Variants in ABCA1 observed in about 807,000 individuals in gnomAD.
The protein encoded by ABCA1 is phospholipid-transporting ATPase ABCA1.
Under a neutral mutation model 262.5 loss-of-function variants are expected in ABCA1, and 133 were observed. The observed-to-expected ratio is 0.51, with a 90% CI of 0.44 to 0.59. The LOEUF (loss-of-function observed/expected upper bound fraction) is 0.59, where lower values mean the gene tolerates loss of function less well. Ranked by LOEUF, ABCA1 falls within the 20% of genes least tolerant of loss-of-function variation. The probability of loss-of-function intolerance (pLI) is 0.00; values close to 1 mark genes in which losing one functional copy is unlikely to be tolerated. For missense variants in ABCA1, 2,452 were observed against 2,777.5 expected, an observed-to-expected ratio of 0.88 and a Z score of 2.63; for synonymous variants, 1,022 against 1,043.5, an observed-to-expected ratio of 0.98 and a Z score of 0.40.
intron 7 of ABCA1, among the ~76,000 whole-genome samples, chr9:104,849,953 T>C (rs1835228975): frequency 6.6e-6 from 1 of 152,228 alleles, no homozygotes; most frequent in African/African-American, 2.4e-5. Context: ...AATGTAAGTA[T>C]ACATGATATA....
intron 46 of ABCA1, among the ~76,000 whole-genome samples, chr9:104,787,456 G>C (rs1371527835): frequency 1.3e-5 from 2 of 151,924 alleles, no homozygotes; most frequent in East Asian, 1.9e-4. Context: ...AGCCTCAAAG[G>C]CTTCTTCCCG....
At chr9:104,893,090 A>C (rs1463594540) in intron 2 of ABCA1, among the ~76,000 whole-genome samples, 1 of 152,198 alleles carries the variant, frequency 6.6e-6, no homozygotes, top group East Asian at 1.9e-4. Context: ...CAGGAATACA[A>C]CTTTCCTTTT....
At position 104,832,648 on chromosome 9, in the gene ABCA1, C is replaced by T. The variant is rs1366818370; in HGVS notation, c.1435G>A (p.Gly479Ser). Reference sequence around the variant, plus strand: ...GCTTCTCTCCAGGTGTACACAGAACCATTACTGGACTGGACATCCTCTGGG... The same window carrying T: ...GCTTCTCTCCAGGTGTACACAGAACTATTACTGGACTGGACATCCTCTGGG... ...KHPEDVQSSN[G>S]SVYTWREAFN... The change falls in exon 12 of 50, where the codon GGT (glycine) becomes AGT (serine). Residue 479 changes from glycine to serine, a missense_variant. This residue lies in a region of ABCA1 where 1,032 missense variants were observed against 1,089.7 expected (regional missense o/e 0.95). Coordinates refer to ENST00000374736, the MANE Select transcript of ABCA1 (RefSeq NM_005502.4). The T allele has an allele frequency of 1.9e-6, 3 of 1,614,176 alleles. No individual in the cohort carries two copies. Among genetic ancestry groups the T allele is most frequent in the South Asian group, 1.1e-5 (1 of 91,082 alleles).
intron 40 of ABCA1, 51 bp downstream of exon 40, chr9:104,794,336 A>T (rs202051679): frequency 6.2e-7 from 1 of 1,613,418 alleles, no homozygotes; most frequent in East Asian, 2.2e-5. Flanking sequence ...ACCAAGGCCT[A>T]TGCAGAGTGC....
At chr9:104,882,055 A>C (rs1387863175) in intron 5 of ABCA1, among the ~76,000 whole-genome samples, 3 of 146,070 alleles carry the variant, frequency 2.1e-5, no homozygotes, top group Admixed American at 1.4e-4. Flanking sequence ...AAAAAAAAAA[A>C]AACTCAAATC....
chr9:104,828,897 G>C lies in ABCA1; in HGVS notation c.2115+19C>G. On this transcript the variant is annotated intron_variant, in intron 15 of 49. Transcript: ENST00000374736. ...TTTCGGAGTTTCCTGGCAGGGAAGAGCGAGTGAGGCTGCCTTACCTTCAGG... is the reference window on the plus strand; with the variant it reads ...TTTCGGAGTTTCCTGGCAGGGAAGACCGAGTGAGGCTGCCTTACCTTCAGG... 6.2e-7 allele frequency: 1 copy of C among 1,612,404 alleles called. No individual in the cohort carries two copies. The highest frequency in any genetic ancestry group is 8.5e-7 in the Non-Finnish European group (1 of 1,178,594).
intron 1 of ABCA1, among the ~76,000 whole-genome samples, chr9:104,914,197 G>A (rs568430727): frequency 6.6e-6 from 1 of 151,562 alleles, no homozygotes; most frequent in Non-Finnish European, 1.5e-5. Context: ...CTGAGCCTTG[G>A]CCAGACGCAG....
intron 7 of ABCA1, chr9:104,855,594 C>A: frequency 7.7e-7 from 1 of 1,300,308 alleles, no homozygotes; most frequent in East Asian, 2.6e-5. Context: ...TATTGAGCAC[C>A]TATTGTGTGC....
At chr9:104,927,215 AAAAAAG>A (rs1012899801) in intron 1 of ABCA1, among the ~76,000 whole-genome samples, 4 of 144,370 alleles carry the variant, frequency 2.8e-5, no homozygotes, top group African/African-American at 1.0e-4. Flanking sequence ...AAGGAAAGAA[AAAAAAG>A]AAAAAGAAAA....
rs1371376649 is a variant in ABCA1, at chr9:104,834,646, G to C, written c.1312-1875C>G. On this transcript the variant is annotated intron_variant, in intron 11 of 49. Coordinates refer to ENST00000374736, the MANE Select transcript of ABCA1 (RefSeq NM_005502.4). The stretch of plus-strand genomic sequence containing the variant: ...AGCACGTGGCCTCTCTGGGGTGCTC[G>C]TGAGGGGCAGGAGACCTAAGACTGC... 8.7e-5 allele frequency among the ~76,000 whole-genome samples: 13 copies of C among 148,874 alleles called. 1 individual carries two copies. The Admixed American group carries it at 8.8e-4, about 10-fold the overall frequency.
chr9:104,803,609 C>CT (rs111718731), intron 32 of ABCA1, among the ~76,000 whole-genome samples: 8,992 of 149,888 alleles, frequency 0.06, 725 homozygotes, highest in African/African-American at 0.19. Flanking sequence ...CTTTTTCTTT[C>CT]TTTTTTTTTT....
intron 35 of ABCA1, 59 bp from the exon 36 acceptor site, chr9:104,800,047 G>T: frequency 6.3e-7 from 1 of 1,594,558 alleles, no homozygotes. Context: ...CTGCAGGCAG[G>T]TGCATACCCA....
At chr9:104,904,564 C>CAAAA (rs35949087) in intron 1 of ABCA1, among the ~76,000 whole-genome samples, 1 of 76,964 alleles carries the variant, frequency 1.3e-5, no homozygotes, top group African/African-American at 5.0e-5. Flanking sequence ...GACTCTGTCT[C>CAAAA]AAAAAAAAAA....
At chr9:104,842,731 T>G (rs1159085494) in intron 8 of ABCA1, among the ~76,000 whole-genome samples, 1 of 152,164 alleles carries the variant, frequency 6.6e-6, no homozygotes, top group East Asian at 1.9e-4. Flanking sequence ...CAATGTCCTT[T>G]GTCCTCCCTT....
At chr9:104,861,621 T>A in intron 6 of ABCA1, 58 bp downstream of exon 6, 5 of 1,610,618 alleles carry the variant, frequency 3.1e-6, no homozygotes, top group Non-Finnish European at 8.5e-7. Context: ...TTCTTTCCAG[T>A]AGCTGCACAA....
chr9:104,848,051 C>T (rs1164024875), intron 7 of ABCA1, among the ~76,000 whole-genome samples: 1 of 152,204 alleles, frequency 6.6e-6, no homozygotes, highest in East Asian at 1.9e-4. Context: ...CACACACACA[C>T]ACATATACAT....
rs41371845 is a variant in ABCA1 at position 104,821,249 on chromosome 9, T to G, written c.2960+126A>C. ...AGAGCGAGACTCCATCTCAAAAAAA[T>G]AAAAAAGAAAAAAAGAAAAAACAAA... On this transcript the variant is annotated intron_variant, in intron 20 of 49. Coordinates refer to ENST00000374736, the MANE Select transcript of ABCA1 (RefSeq NM_005502.4). 12,869 of 1,365,540 alleles carry G rather than the reference T, an allele frequency of 9.4e-3. 1,058 individuals are homozygous for G. The African/African-American group carries it at 0.17, about 18-fold the overall frequency. The allele number at this position is 1,365,540 out of a possible 1,614,324, so 84.6% of individuals were successfully genotyped here. A position where few individuals can be genotyped will look rare whatever the true frequency, so the allele number is the denominator to read the frequency against.
intron 9 of ABCA1, among the ~76,000 whole-genome samples, chr9:104,839,039 C>T (rs1834115878): frequency 6.6e-6 from 1 of 152,170 alleles, no homozygotes; most frequent in African/African-American, 2.4e-5. Flanking sequence ...ACCTGCCTCA[C>T]TCAGTGTCTG....
rs1836651225 is a variant in ABCA1, at chr9:104,862,669, C to CAGGGCAGGGCA, written c.422-870_422-869insTGCCCTGCCCT. 1.1e-3 allele frequency among the ~76,000 whole-genome samples: 11 copies of CAGGGCAGGGCA among 9,812 alleles called. 3 individuals carry two copies. Among genetic ancestry groups the CAGGGCAGGGCA allele is most frequent in the African/African-American group, 3.5e-3 (9 of 2,564 alleles). 6.4% of individuals were successfully genotyped at this position (9,812 alleles called of 152,430 possible). A position where few individuals can be genotyped will look rare whatever the true frequency, so the allele number is the denominator to read the frequency against. On this transcript the variant is annotated intron_variant, in intron 5 of 49. Transcript: ENST00000374736. The stretch of plus-strand genomic sequence containing the variant: ...CGGGCCGGGCCGGGCCGGGCCGGGC[C>CAGGGCAGGGCA]GGGCCGGGCCGGGCCGGGCCGGGCC...
Sources: gnomAD v4.1 joint callset for allele counts (sites outside exome capture counted in the v4.1 genomes callset) on GRCh38, gnomAD v4.1.1 for gene constraint, gnomAD v4.1.1 regional missense constraint, MANE v1.5 for transcripts, NCBI Gene and HGNC (gene_info 2026-07-23, HGNC 2026-07-21) for gene names.